The following GRIN2A variants were observed in gnomAD, a reference collection of about 807,000 sequenced individuals.
GRIN2A encodes the protein glutamate receptor ionotropic, NMDA 2A.
GRIN2A carries 22 observed loss-of-function variants against 113.4 expected under a neutral mutation model. That is an observed-to-expected ratio of 0.19 (90% confidence interval 0.14 to 0.28). The LOEUF (loss-of-function observed/expected upper bound fraction) is 0.28. Among genes scored for constraint, GRIN2A ranks in the 10% least tolerant of loss-of-function variants. The pLI, the probability that GRIN2A is intolerant of heterozygous loss-of-function variation, is 1.00. For synonymous variants in GRIN2A, 827 were observed against 738.4 expected (o/e 1.12, Z -1.94); for missense variants, 1,502 against 1,887.0 (o/e 0.80, Z 3.78).
At chr16:10,149,387 T>A (rs1312014057) in intron 2 of GRIN2A, among the ~76,000 whole-genome samples, 6 of 152,182 alleles carry the variant, frequency 3.9e-5, no homozygotes, top group African/African-American at 1.4e-4. Flanking sequence ...ATTTTAAAAA[T>A]TTAAGAAAGA....
At chr16:10,062,785 A>G (rs1050347913) in intron 2 of GRIN2A, among the ~76,000 whole-genome samples, 3 of 152,006 alleles carry the variant, frequency 2.0e-5, no homozygotes, top group African/African-American at 7.3e-5. Context: ...GAATTGCTTG[A>G]ACCTGGGAGG....
chr16:9,801,102 G>C (rs968044615), intron 10 of GRIN2A, among the ~76,000 whole-genome samples: 2 of 152,178 alleles, frequency 1.3e-5, no homozygotes, highest in Admixed American at 6.5e-5. Context: ...CACTTGTTCA[G>C]CTGTGGTATT....
chr16:9,896,655 T>C (rs1359770012), intron 3 of GRIN2A, among the ~76,000 whole-genome samples: 3 of 152,142 alleles, frequency 2.0e-5, no homozygotes, highest in Non-Finnish European at 2.9e-5. Flanking sequence ...CTTTTTCTAT[T>C]AAAAGTCTTC....
At chr16:9,910,457 C>A (rs776940215) in intron 3 of GRIN2A, among the ~76,000 whole-genome samples, 2 of 148,560 alleles carry the variant, frequency 1.3e-5, no homozygotes, top group African/African-American at 2.5e-5. Flanking sequence ...TTCAAGGATA[C>A]AATAAGTAGT....
In GRIN2A at chr16:9,755,341, C is replaced by T. The variant is rs1456365855; in HGVS notation, c.*7808G>A. The T allele has an allele frequency of 5.4e-6, 1 of 186,550 alleles. No individual in the cohort carries two copies. The highest frequency in any genetic ancestry group is 1.1e-5 in the Non-Finnish European group (1 of 88,320). 11.6% of individuals were successfully genotyped at this position (186,550 alleles called of 1,614,324 possible). On this transcript the variant is annotated 3_prime_UTR_variant, in exon 13 of 13. Transcript: ENST00000330684. ...CGTTCTTTGGAGTGCTCCATTTCTG[C>T]ATAGCTCAACATTCCAAGGAGAACA...
rs2141149941 is a variant in GRIN2A at position 9,768,904 on chromosome 16, A to G, written c.2542T>C (p.Cys848Arg). Residue 848 changes from cysteine to arginine, a missense_variant, in exon 12 of 13, where the codon TGT (cysteine) becomes CGT (arginine). Physicochemically the swap from Cys to Arg is radical, Grantham distance 180. This residue lies in a region of GRIN2A where 832 missense variants were observed against 789.7 expected (regional missense o/e 1.05). Coordinates refer to ENST00000330684, the MANE Select transcript of GRIN2A (RefSeq NM_001134407.3). ...EHLFYWKLRF[C>R]FTGVCSDRPG... ...CGGTCGGAGCACACGCCCGTGAAAC[A>G]GAAGCGCAGCTTCCAGTAGAAGAGG... The G allele has an allele frequency of 6.2e-7, 1 of 1,614,232 alleles. No homozygotes were observed. The highest frequency in any genetic ancestry group is 8.5e-7 in the Non-Finnish European group (1 of 1,180,026).
rs781270566 is a variant in GRIN2A, at chr16:9,849,770, C to T, written c.1314G>A (p.Lys438=). The T allele has an allele frequency of 1.9e-6, 3 of 1,613,992 alleles. No individual in the cohort carries two copies. Among genetic ancestry groups the T allele is most frequent in the East Asian group, 2.2e-5 (1 of 44,874 alleles). ...TCVRNTVPCR[K]FVKINNSTNE... ...CTGCCACTCACTTGATTTTGACGAACTTCCGACATGGCACGGTGTTCCTCA... is the reference window on the plus strand; with the variant it reads ...CTGCCACTCACTTGATTTTGACGAATTTCCGACATGGCACGGTGTTCCTCA... Residue 438 remains lysine (K), a synonymous_variant, in exon 5 of 13, where the codon AAG becomes AAA. Transcript: ENST00000330684.
chr16:9,777,784 C>G (rs1359181757), intron 11 of GRIN2A, among the ~76,000 whole-genome samples: 1 of 152,232 alleles, frequency 6.6e-6, no homozygotes, highest in African/African-American at 2.4e-5. Flanking sequence ...CCAACTCTGG[C>G]CGGGTGCAGT....
intron 11 of GRIN2A, among the ~76,000 whole-genome samples, chr16:9,772,612 G>C (rs1166487287): frequency 6.6e-6 from 1 of 152,108 alleles, no homozygotes. Context: ...CTGGGCTCAA[G>C]CAACCCACCT....
intron 2 of GRIN2A, among the ~76,000 whole-genome samples, chr16:9,970,127 AG>A (rs1176072701): frequency 6.6e-6 from 1 of 152,232 alleles, no homozygotes; most frequent in African/African-American, 2.4e-5. Context: ...AGAAAAAAGC[AG>A]CTCAAATTCA....
intron 3 of GRIN2A, among the ~76,000 whole-genome samples, chr16:9,907,703 G>A (rs60626642): frequency 0.011 from 1,724 of 152,026 alleles, 34 homozygotes; most frequent in African/African-American, 0.04. Context: ...GATCTGTCTC[G>A]CCTAAATATT....
chr16:10,003,100 G>A (rs567487282), intron 2 of GRIN2A, among the ~76,000 whole-genome samples: 9 of 152,322 alleles, frequency 5.9e-5, no homozygotes, highest in African/African-American at 1.9e-4. Context: ...AAGCGAATAC[G>A]AGGCAATCAG....
intron 2 of GRIN2A, among the ~76,000 whole-genome samples, chr16:10,056,631 C>T (rs962975299): frequency 2.0e-5 from 3 of 152,088 alleles, no homozygotes; most frequent in Non-Finnish European, 2.9e-5. Flanking sequence ...GACCCCAGTC[C>T]AATGACTGGT....
chr16:9,776,101 A>G (rs759821359), intron 11 of GRIN2A, among the ~76,000 whole-genome samples: 1 of 152,162 alleles, frequency 6.6e-6, no homozygotes. Context: ...ACTGTCACCA[A>G]TATCATAACC....
intron 2 of GRIN2A, among the ~76,000 whole-genome samples, chr16:10,135,586 G>T (rs1161956225): frequency 6.6e-6 from 1 of 152,074 alleles, no homozygotes. Flanking sequence ...TATTATTGAG[G>T]GTTCAATTAA....
At chr16:10,078,979 A>G (rs540052912) in intron 2 of GRIN2A, among the ~76,000 whole-genome samples, 2 of 152,368 alleles carry the variant, frequency 1.3e-5, no homozygotes, top group South Asian at 4.1e-4. Flanking sequence ...AGTGACAACA[A>G]TAACAATACA....
At chr16:9,769,929 A>G (rs948041778) in intron 11 of GRIN2A, among the ~76,000 whole-genome samples, 1 of 152,202 alleles carries the variant, frequency 6.6e-6, no homozygotes, top group Non-Finnish European at 1.5e-5. Flanking sequence ...ACTTTAATTG[A>G]AAAGAGACAT....
intron 3 of GRIN2A, among the ~76,000 whole-genome samples, chr16:9,904,779 T>C (rs2043996066): frequency 1.3e-5 from 2 of 152,324 alleles, no homozygotes; most frequent in South Asian, 4.1e-4. Context: ...ACCATCCCTC[T>C]GGGGATTAGG....
At position 9,899,440 on chromosome 16, in the gene GRIN2A, CAAAAAAAAAAA is replaced by C. The variant is rs71157791; in HGVS notation, c.1008-8351_1008-8341del. On this transcript the variant is annotated intron_variant, in intron 3 of 12. Transcript: ENST00000330684. ...GGGCAACAAGAGCAAAACTCCGTCT[CAAAAAAAAAAA>C]AAAAAAAAAAAAAAAGTCAAGACAG... 4.7e-3 allele frequency among the ~76,000 whole-genome samples: 29 copies of C among 6,206 alleles called. 1 individual carries two copies. The South Asian group carries it at 0.048, about 10-fold the overall frequency. 4.1% of individuals were successfully genotyped at this position (6,206 alleles called of 152,430 possible).
Sources: allele counts gnomAD v4.1 joint callset (sites outside exome capture counted in the v4.1 genomes callset), GRCh38; gene constraint gnomAD v4.1.1; regional missense constraint gnomAD v4.1.1; transcripts MANE v1.5; gene names NCBI Gene and HGNC (gene_info 2026-07-23, HGNC 2026-07-21).